TMTC2: variants seen among roughly 807,000 people sequenced by gnomAD.
TMTC2 encodes the protein transmembrane O-mannosyltransferase targeting cadherins 2.
Under a neutral mutation model 82.4 loss-of-function variants are expected in TMTC2, and 43 were observed. The ratio of observed to expected loss-of-function variants is 0.52; its 90% CI spans 0.41 to 0.67. The LOEUF is 0.67. Among genes scored for constraint, TMTC2 ranks in the 30% least tolerant of loss-of-function variants. The pLI is 0.00. For missense variants in TMTC2, 919 were observed against 1,012.4 expected, an observed-to-expected ratio of 0.91 and a Z score of 1.25; for synonymous variants, 408 against 381.9, an observed-to-expected ratio of 1.07 and a Z score of -0.80.
chr12:82,896,300 C>T lies in TMTC2; in HGVS notation c.1137C>T (p.Asn379=), dbSNP rs368459406. The change falls in exon 3 of 12, where the codon AAC becomes AAT. Residue 379 remains asparagine, a synonymous_variant. Coordinates refer to ENST00000321196, the MANE Select transcript of TMTC2 (RefSeq NM_152588.3). ...CCAAAGTAGAAAATGGCATTAAAAA[C>T]GATGTATCACAGAGAACCCAGCTTC... is the stretch of plus-strand genomic sequence containing the variant. ...FASKVENGIK[N]DVSQRTQLPS... The T allele has an allele frequency of 3.9e-5, 63 of 1,613,980 alleles. No individual in the cohort carries two copies. The highest frequency in any genetic ancestry group is 5.0e-5 in the Admixed American group (3 of 59,984).
In TMTC2 at chr12:82,687,510, G is replaced by A. The variant is rs1011037584; in HGVS notation, c.-77G>A. Reference sequence around the variant, plus strand: ...TGGGAGGAGAAGGCGGCGGAAGGTGGAGATTGATGCTTCTGTTTTTTGTTG... The same window carrying A: ...TGGGAGGAGAAGGCGGCGGAAGGTGAAGATTGATGCTTCTGTTTTTTGTTG... On this transcript the variant is annotated 5_prime_UTR_variant, in exon 1 of 12. Coordinates refer to ENST00000321196, the MANE Select transcript of TMTC2 (RefSeq NM_152588.3). 1.4e-6 allele frequency: 2 copies of A among 1,387,746 alleles called. No homozygotes were observed. The highest frequency in any genetic ancestry group is 2.8e-5 in the African/African-American group (2 of 70,938). The allele number at this position is 1,387,746 out of a possible 1,614,324, so 86.0% of individuals were successfully genotyped here.
chr12:82,840,284 A>T (rs1306439080), intron 1 of TMTC2, among the ~76,000 whole-genome samples: 1 of 152,224 alleles, frequency 6.6e-6, no homozygotes, highest in East Asian at 1.9e-4. Flanking sequence ...GATTTCAATC[A>T]AAATTTGGCA....
chr12:82,822,520 T>A (rs1869173834), intron 1 of TMTC2, among the ~76,000 whole-genome samples: 1 of 152,150 alleles, frequency 6.6e-6, no homozygotes, highest in South Asian at 2.1e-4. Context: ...TCTCCCCTTT[T>A]TTGGGGGGTG....
intron 1 of TMTC2, among the ~76,000 whole-genome samples, chr12:82,729,025 C>T (rs962231523): frequency 1.3e-5 from 2 of 152,228 alleles, no homozygotes; most frequent in Admixed American, 6.5e-5. Flanking sequence ...CGGCCTCCTG[C>T]GTGGCCCGAG....
chr12:82,879,357 G>C (rs1453615950), intron 2 of TMTC2, among the ~76,000 whole-genome samples: 1 of 152,210 alleles, frequency 6.6e-6, no homozygotes, highest in Non-Finnish European at 1.5e-5. Context: ...AGATGAAACT[G>C]TTCCACCTTA....
chr12:82,797,002 GTATAA>G (rs1257988884), intron 1 of TMTC2, among the ~76,000 whole-genome samples: 4 of 152,260 alleles, frequency 2.6e-5, no homozygotes, highest in East Asian at 1.9e-4. Flanking sequence ...AGATATGTTT[GTATAA>G]TATAAGACTA....
rs1394521179 is a variant in TMTC2, at chr12:82,896,573, T to C, written c.1410T>C (p.Thr470=). 3.1e-6 allele frequency: 5 copies of C among 1,614,040 alleles called. No homozygotes were observed. The Admixed American group carries it at 8.3e-5, about 27-fold the overall frequency. ...ATLIVFYGLK[T]AIRNGDWQNE... ...TAATTGTTTTTTATGGACTCAAGAC[T>C]GCGATCAGGAATGGAGACTGGCAGA... Residue 470 remains threonine, a synonymous_variant, in exon 3 of 12, where the codon ACT becomes ACC. Transcript: ENST00000321196.
chr12:82,854,764 T>C (rs1871168741), intron 1 of TMTC2, among the ~76,000 whole-genome samples: 1 of 152,162 alleles, frequency 6.6e-6, no homozygotes, highest in South Asian at 2.1e-4. Flanking sequence ...TTTAGAAAAG[T>C]CAACTAGTTC....
chr12:82,920,604 A>G (rs1875331527), intron 3 of TMTC2, among the ~76,000 whole-genome samples: 1 of 152,196 alleles, frequency 6.6e-6, no homozygotes, highest in Non-Finnish European at 1.5e-5. Context: ...CCCTTGAGAT[A>G]TAAGAGTTAT....
rs1414128867 is a variant in TMTC2 at position 82,965,068 on chromosome 12, A to G, written c.1643A>G (p.His548Arg). 3 of 1,612,486 alleles carry G rather than the reference A, an allele frequency of 1.9e-6. No homozygotes were observed. Among genetic ancestry groups the G allele is most frequent in the East Asian group, 2.2e-5 (1 of 44,802 alleles). Residue 548 changes from histidine (H) to arginine (R), a missense_variant, in exon 5 of 12, where the codon CAT (histidine) becomes CGT (arginine). By Grantham distance (29) the His-to-Arg change is conservative. Transcript: ENST00000321196. ...QENSRFAEAL[H>R]YYKLAIGSRP... ...AACAGCAGGTTTGCAGAAGCACTAC[A>G]TTATTATAAATTGGCCATTGGGAGC...
intron 1 of TMTC2, among the ~76,000 whole-genome samples, chr12:82,737,339 G>T (rs1272808408): frequency 2.0e-5 from 3 of 151,908 alleles, no homozygotes; most frequent in Admixed American, 1.3e-4. Flanking sequence ...TTAATATCAG[G>T]TCTAAAGTGA....
chr12:83,074,821 T>TC (rs1352469551), intron 11 of TMTC2, among the ~76,000 whole-genome samples: 1 of 152,000 alleles, frequency 6.6e-6, no homozygotes, highest in Non-Finnish European at 1.5e-5. Context: ...GTTTGGTTCT[T>TC]CCCCCGCCTT....
chr12:82,962,759 A>G (rs756665879), intron 4 of TMTC2, among the ~76,000 whole-genome samples: 1 of 152,036 alleles, frequency 6.6e-6, no homozygotes, highest in Non-Finnish European at 1.5e-5. Flanking sequence ...CAGCATGTAC[A>G]TGAGCCACAT....
chr12:83,117,625 T>C (rs1716314087), intron 11 of TMTC2, among the ~76,000 whole-genome samples: 1 of 152,180 alleles, frequency 6.6e-6, no homozygotes, highest in Non-Finnish European at 1.5e-5. Flanking sequence ...TTTGTCTTGC[T>C]TTGGCTATGT....
intron 1 of TMTC2, among the ~76,000 whole-genome samples, chr12:82,785,006 G>A (rs1032534336): frequency 2.2e-4 from 33 of 152,012 alleles, no homozygotes; most frequent in African/African-American, 8.0e-4. Flanking sequence ...AATAATAAGA[G>A]TGAACAACTG....
intron 11 of TMTC2, among the ~76,000 whole-genome samples, chr12:83,083,190 AT>A (rs2137507157): frequency 6.6e-6 from 1 of 152,358 alleles, no homozygotes; most frequent in South Asian, 2.1e-4. Flanking sequence ...ATTTGTCTGT[AT>A]ATTATTCAAA....
chr12:83,132,126 C>T, intron 11 of TMTC2, 84 bp from the exon 12 acceptor site: 1 of 1,460,394 alleles, frequency 6.8e-7, no homozygotes, highest in Non-Finnish European at 9.2e-7. Flanking sequence ...GAATTATTTG[C>T]ATAAGTGGAT....
intron 8 of TMTC2, among the ~76,000 whole-genome samples, chr12:83,029,200 A>G (rs189262332): frequency 1.5e-3 from 223 of 152,316 alleles, no homozygotes; most frequent in African/African-American, 5.2e-3. Context: ...AAAGCTGCGT[A>G]CCATGTAGCA....
At chr12:83,119,214 G>T (rs1446893146) in intron 11 of TMTC2, among the ~76,000 whole-genome samples, 1 of 152,082 alleles carries the variant, frequency 6.6e-6, no homozygotes, top group East Asian at 1.9e-4. Flanking sequence ...TGTTTCTCTA[G>T]TTCCTTGAGG....
Sources: gnomAD v4.1 joint callset for allele counts (sites outside exome capture counted in the v4.1 genomes callset) on GRCh38, gnomAD v4.1.1 for gene constraint, MANE v1.5 for transcripts, NCBI Gene and HGNC (gene_info 2026-07-23, HGNC 2026-07-21) for gene names.